The following KCND2 variants were observed in gnomAD, a reference collection of about 807,000 sequenced individuals.
KCND2 encodes the protein potassium voltage-gated channel subfamily D member 2, also known as A-type voltage-gated potassium channel KCND2.
Under a neutral mutation model 54.4 loss-of-function variants are expected in KCND2, and 16 were observed. The ratio of observed to expected loss-of-function variants is 0.29; its 90% CI spans 0.20 to 0.45. The LOEUF (loss-of-function observed/expected upper bound fraction) is 0.45. Ranked by LOEUF, KCND2 falls within the 20% of genes least tolerant of loss-of-function variation. KCND2 has a pLI of 1.00. For synonymous variants in KCND2, 317 were observed against 310.7 expected (o/e 1.02, Z -0.21); for missense variants, 486 against 824.2 (o/e 0.59, Z 5.02).
chr7:120,349,421 C>T (rs879367144), intron 1 of KCND2, among the ~76,000 whole-genome samples: 2 of 152,042 alleles, frequency 1.3e-5, no homozygotes, highest in African/African-American at 2.4e-5. Context: ...ATGCACCTGT[C>T]TTTGTTGTTT....
Position 120,274,714 on chromosome 7 carries a change from C to T in KCND2, c.82C>T (p.Pro28Ser), listed in dbSNP as rs866717944. Residue 28 changes from proline (P) to serine (S), a missense_variant, in exon 1 of 6, where the codon CCG becomes TCG. Pro to Ser is a moderately conservative substitution (Grantham distance 74). This residue lies in a region of KCND2 where 231 missense variants were observed against 386.0 expected (regional missense o/e 0.60). Transcript: ENST00000331113. The part of the protein sequence containing the change: ...GWMPVASGPM[P>S]APPRQERKRT... ...GATGCCTGTGGCCTCGGGGCCTATG[C>T]CGGCTCCCCCGAGGCAGGAGAGGAA... 1 of 1,613,906 alleles carries T rather than the reference C, an allele frequency of 6.2e-7. No homozygotes were observed. Among genetic ancestry groups the T allele is most frequent in the Non-Finnish European group, 8.5e-7 (1 of 1,179,954 alleles).
intron 1 of KCND2, among the ~76,000 whole-genome samples, chr7:120,484,536 T>G (rs1043928117): frequency 4.0e-5 from 6 of 151,300 alleles, no homozygotes; most frequent in African/African-American, 1.4e-4. Context: ...TGAAATCTGC[T>G]ATATCTATGG....
chr7:120,337,611 A>G (rs1800170505), intron 1 of KCND2, among the ~76,000 whole-genome samples: 1 of 152,214 alleles, frequency 6.6e-6, no homozygotes, highest in African/African-American at 2.4e-5. Context: ...TATATCTGTA[A>G]CTTTAACTTT....
intron 1 of KCND2, among the ~76,000 whole-genome samples, chr7:120,717,647 C>T (rs1792619794): frequency 6.6e-6 from 1 of 152,028 alleles, no homozygotes; most frequent in South Asian, 2.1e-4. Context: ...TAGACAGCAA[C>T]TTACTCCACC....
chr7:120,570,105 TTC>T (rs1476923874), intron 1 of KCND2, among the ~76,000 whole-genome samples: 2 of 152,210 alleles, frequency 1.3e-5, no homozygotes, highest in African/African-American at 4.8e-5. Context: ...TGTAAATAAC[TTC>T]TGTTTGAACA....
chr7:120,321,305 A>G, intron 1 of KCND2, among the ~76,000 whole-genome samples: 1 of 151,884 alleles, frequency 6.6e-6, no homozygotes, highest in South Asian at 2.1e-4. Flanking sequence ...TTTGGATTTT[A>G]TTTTGTTTTG....
At chr7:120,610,316 A>G (rs1390707009) in intron 1 of KCND2, among the ~76,000 whole-genome samples, 1 of 152,174 alleles carries the variant, frequency 6.6e-6, no homozygotes, top group East Asian at 1.9e-4. Flanking sequence ...CATTTTAAGT[A>G]TATGAAATGA....
At chr7:120,353,260 C>T (rs984736614) in intron 1 of KCND2, among the ~76,000 whole-genome samples, 2 of 147,288 alleles carry the variant, frequency 1.4e-5, no homozygotes, top group African/African-American at 2.5e-5. Flanking sequence ...ACAGAGCCTT[C>T]GTCTCTGAAT....
intron 1 of KCND2, among the ~76,000 whole-genome samples, chr7:120,299,255 G>C (rs1431486345): frequency 6.6e-6 from 1 of 152,104 alleles, no homozygotes; most frequent in East Asian, 1.9e-4. Flanking sequence ...ACTTTTTACT[G>C]TCTGGTAAAA....
At position 120,613,358 on chromosome 7, in the gene KCND2, C is replaced by G. The variant is rs570800860; in HGVS notation, c.1116-119545C>G. Reference sequence around the variant, plus strand: ...CAGCCTGGCCAACATGGCAAAACCCCGGTCTCTACTAAAAATACAAACATT... The same window carrying G: ...CAGCCTGGCCAACATGGCAAAACCCGGGTCTCTACTAAAAATACAAACATT... On this transcript the variant is annotated intron_variant, in intron 1 of 5. Transcript: ENST00000331113. Among the ~76,000 whole-genome samples the G allele has an allele frequency of 2.5e-3, 373 of 152,160 alleles. 2 individuals carry two copies. Among genetic ancestry groups the G allele is most frequent in the African/African-American group, 8.7e-3 (360 of 41,526 alleles).
Position 120,706,306 on chromosome 7 carries a change from G to A in KCND2, c.1116-26597G>A, listed in dbSNP as rs1312051596. On this transcript the variant is annotated intron_variant, in intron 1 of 5. Transcript: ENST00000331113. ...TAAGGGGATTGTTTTAACCCATTTT[G>A]TGCTGCTACAACAGAATATCACAGA... 2.6e-5 allele frequency among the ~76,000 whole-genome samples: 4 copies of A among 152,158 alleles called. No homozygotes were observed. The East Asian group carries it at 7.7e-4, about 29-fold the overall frequency.
rs560957243 is a variant in KCND2 at position 120,567,228 on chromosome 7, T to G, written c.1116-165675T>G. 1.2e-4 allele frequency among the ~76,000 whole-genome samples: 19 copies of G among 152,340 alleles called. No individual in the cohort carries two copies. In the South Asian group the frequency reaches 3.7e-3, roughly 30 times the overall value. On this transcript the variant is annotated intron_variant, in intron 1 of 5. Transcript: ENST00000331113. ...GCATGGGAGTAGAAATGTTTTTCTT[T>G]GTTAAAAATCTATAAATATTACCAT...
intron 1 of KCND2, among the ~76,000 whole-genome samples, chr7:120,405,545 T>G (rs185654858): frequency 6.6e-6 from 1 of 152,254 alleles, no homozygotes; most frequent in East Asian, 1.9e-4. Context: ...GTTAGAGAGA[T>G]AACACATTTC....
At chr7:120,383,773 G>A (rs1344591537) in intron 1 of KCND2, among the ~76,000 whole-genome samples, 1 of 152,018 alleles carries the variant, frequency 6.6e-6, no homozygotes, top group Non-Finnish European at 1.5e-5. Context: ...TTAACTACAG[G>A]AACAGTCTCT....
chr7:120,394,197 C>T (rs1801119140), intron 1 of KCND2, among the ~76,000 whole-genome samples: 1 of 151,956 alleles, frequency 6.6e-6, no homozygotes, highest in African/African-American at 2.4e-5. Context: ...TTACTCAAAT[C>T]AGTCTTCCTG....
chr7:120,609,454 T>C (rs961124487), intron 1 of KCND2, among the ~76,000 whole-genome samples: 1 of 152,164 alleles, frequency 6.6e-6, no homozygotes, highest in African/African-American at 2.4e-5. Context: ...GATCCACTCA[T>C]ATGGTCTAAC....
At chr7:120,706,727 G>A (rs1792473490) in intron 1 of KCND2, among the ~76,000 whole-genome samples, 1 of 152,068 alleles carries the variant, frequency 6.6e-6, no homozygotes, top group Admixed American at 6.6e-5. Flanking sequence ...TTTTAAGAAG[G>A]TTGAATGTAG....
At chr7:120,730,071 A>G (rs1486105748) in intron 1 of KCND2, among the ~76,000 whole-genome samples, 1 of 152,330 alleles carries the variant, frequency 6.6e-6, no homozygotes, top group African/African-American at 2.4e-5. Flanking sequence ...TTTCAAGGGC[A>G]AGAGAAACTA....
At chr7:120,601,994 A>G (rs905443315) in intron 1 of KCND2, among the ~76,000 whole-genome samples, 33 of 152,364 alleles carry the variant, frequency 2.2e-4, no homozygotes, top group African/African-American at 7.2e-4. Flanking sequence ...TCTAGTGAAG[A>G]TAAAAGCATA....
Sources: allele counts gnomAD v4.1 joint callset (sites outside exome capture counted in the v4.1 genomes callset), GRCh38; gene constraint gnomAD v4.1.1; regional missense constraint gnomAD v4.1.1; transcripts MANE v1.5; gene names NCBI Gene and HGNC (gene_info 2026-07-23, HGNC 2026-07-21).